RAB28: variants seen among roughly 807,000 people sequenced by gnomAD.
RAB28 encodes the protein RAB28, member RAS oncogene family, also known as ras-related protein Rab-28.
Under a neutral mutation model 31.7 loss-of-function variants are expected in RAB28, and 24 were observed. The ratio of observed to expected loss-of-function variants is 0.76; its 90% CI spans 0.55 to 1.06. The LOEUF (loss-of-function observed/expected upper bound fraction) is 1.06, where lower values mean the gene tolerates loss of function less well. Ranked by LOEUF, RAB28 falls within the 50% of genes least tolerant of loss-of-function variation. RAB28 has a pLI of 0.00. For missense variants in RAB28, 254 were observed against 258.5 expected (o/e 0.98, Z 0.12); for synonymous variants, 100 against 90.4 (o/e 1.11, Z -0.60).
At chr4:13,375,811 C>G (rs1469578798) in intron 6 of RAB28, among the ~76,000 whole-genome samples, 1 of 148,678 alleles carries the variant, frequency 6.7e-6, no homozygotes, top group Non-Finnish European at 1.5e-5. Flanking sequence ...AGAGAGAGAC[C>G]ATGAGAAAAA....
intron 4 of RAB28, among the ~76,000 whole-genome samples, chr4:13,422,943 C>T (rs1212562805): frequency 6.6e-6 from 1 of 150,588 alleles, no homozygotes; most frequent in East Asian, 1.9e-4. Flanking sequence ...AAAAAAAGTA[C>T]ATAAACTTTA....
intron 6 of RAB28, among the ~76,000 whole-genome samples, 170 bp from the exon 7 acceptor site, chr4:13,368,820 A>ATT (rs200326808): frequency 0.036 from 5,399 of 149,046 alleles, 144 homozygotes; most frequent in African/African-American, 0.079. Flanking sequence ...CAAAGAGTGG[A>ATT]TTTTTTTTTT....
chr4:13,406,040 T>C (rs932443825), intron 4 of RAB28, among the ~76,000 whole-genome samples: 2 of 152,196 alleles, frequency 1.3e-5, no homozygotes, highest in Admixed American at 1.3e-4. Flanking sequence ...TTGGGACACA[T>C]GTGCAGAACA....
chr4:13,389,314 A>C (rs923730055), intron 4 of RAB28, among the ~76,000 whole-genome samples: 6 of 152,124 alleles, frequency 3.9e-5, no homozygotes, highest in Non-Finnish European at 7.4e-5. Context: ...CAGAGGAAAA[A>C]AGAAGTTGTT....
intron 4 of RAB28, among the ~76,000 whole-genome samples, chr4:13,402,125 T>C (rs1345952487): frequency 6.6e-6 from 1 of 152,268 alleles, no homozygotes; most frequent in Non-Finnish European, 1.5e-5. Context: ...TAAATTCTTT[T>C]AAATTTGTTA....
At chr4:13,405,041 C>G (rs1277998584) in intron 4 of RAB28, among the ~76,000 whole-genome samples, 1 of 151,380 alleles carries the variant, frequency 6.6e-6, no homozygotes, top group Admixed American at 6.6e-5. Flanking sequence ...TTTAAAAGAT[C>G]CAACATATTT....
chr4:13,432,674 AT>A (rs1283033534), intron 4 of RAB28, among the ~76,000 whole-genome samples: 1 of 152,196 alleles, frequency 6.6e-6, no homozygotes, highest in Non-Finnish European at 1.5e-5. Flanking sequence ...CAAGAATGTC[AT>A]ATCTCGGAAA....
At chr4:13,455,165 T>G (rs2108955257) in intron 4 of RAB28, among the ~76,000 whole-genome samples, 1 of 152,254 alleles carries the variant, frequency 6.6e-6, no homozygotes, top group Non-Finnish European at 1.5e-5. Context: ...ACACAGATGC[T>G]CGGTCAGCCT....
At chr4:13,370,774 G>A (rs1324806909) in intron 6 of RAB28, 2 of 982,266 alleles carry the variant, frequency 2.0e-6, no homozygotes, top group African/African-American at 3.5e-5. Flanking sequence ...TGCAGGTCAT[G>A]TAAAAAAAAA....
At chr4:13,477,490 A>C (rs898746507) in intron 2 of RAB28, among the ~76,000 whole-genome samples, 3 of 151,620 alleles carry the variant, frequency 2.0e-5, no homozygotes, top group Non-Finnish European at 4.4e-5. Context: ...ATGTACATTA[A>C]AGTATATAAA....
intron 4 of RAB28, among the ~76,000 whole-genome samples, chr4:13,427,474 G>A (rs1372221698): frequency 1.3e-5 from 2 of 152,144 alleles, no homozygotes; most frequent in African/African-American, 4.8e-5. Context: ...TACTAAAGAG[G>A]AGAAAACAAG....
intron 5 of RAB28, among the ~76,000 whole-genome samples, chr4:13,378,460 C>G (rs1264535380): frequency 6.6e-6 from 1 of 151,996 alleles, no homozygotes; most frequent in Non-Finnish European, 1.5e-5. Flanking sequence ...AAAAGAAGAA[C>G]TAGAGACAAT....
At chr4:13,462,938 A>G (rs1419176511) in intron 3 of RAB28, among the ~76,000 whole-genome samples, 1 of 152,182 alleles carries the variant, frequency 6.6e-6, no homozygotes, top group African/African-American at 2.4e-5. Flanking sequence ...TGTTGAAAAG[A>G]GCTCTACGCT....
intron 4 of RAB28, among the ~76,000 whole-genome samples, chr4:13,389,297 A>G (rs1290670405): frequency 6.6e-6 from 1 of 152,102 alleles, no homozygotes; most frequent in African/African-American, 2.4e-5. Flanking sequence ...TTGCCAGGGG[A>G]TGTAGGCAGA....
At chr4:13,415,845 C>G (rs909788487) in intron 4 of RAB28, among the ~76,000 whole-genome samples, 172 of 152,332 alleles carry the variant, frequency 1.1e-3, no homozygotes, top group African/African-American at 4.0e-3. Context: ...CAGCTGGGCT[C>G]CTGACTGGTG....
At chr4:13,375,171 T>G (rs1231977814) in intron 6 of RAB28, among the ~76,000 whole-genome samples, 1 of 152,114 alleles carries the variant, frequency 6.6e-6, no homozygotes, top group Non-Finnish European at 1.5e-5. Flanking sequence ...GCCCAATTAA[T>G]GGTTAGTGAT....
At position 13,484,066 on chromosome 4, in the gene RAB28, G is replaced by A. The variant is rs781171577; in HGVS notation, c.75+10C>T. ...CAGGCCTGGGACGGCGGGCCTGCTC[G>A]AGGACTGACCTTCCCGGAGGCGCCG... On this transcript the variant is annotated intron_variant, in intron 1 of 6. Transcript: ENST00000330852. The A allele has an allele frequency of 5.0e-6, 8 of 1,588,854 alleles. No individual in the cohort carries two copies. In the South Asian group the frequency reaches 9.1e-5, roughly 18 times the overall value.
chr4:13,456,646 A>G (rs1320418327), intron 4 of RAB28, among the ~76,000 whole-genome samples: 3 of 151,886 alleles, frequency 2.0e-5, no homozygotes, highest in Non-Finnish European at 4.4e-5. Flanking sequence ...TTCATTTAAT[A>G]CTTAAATAGT....
chr4:13,391,263 T>A (rs1729616219), intron 4 of RAB28, among the ~76,000 whole-genome samples: 1 of 152,124 alleles, frequency 6.6e-6, no homozygotes, highest in African/African-American at 2.4e-5. Flanking sequence ...ATAGATACTC[T>A]CAAAAGAAGA....
Sources: gnomAD v4.1 joint callset for allele counts (sites outside exome capture counted in the v4.1 genomes callset) on GRCh38, gnomAD v4.1.1 for gene constraint, MANE v1.5 for transcripts, NCBI Gene and HGNC (gene_info 2026-07-23, HGNC 2026-07-21) for gene names.